The following PPP2R2B variants were observed in gnomAD, a reference collection of about 807,000 sequenced individuals.
PPP2R2B encodes serine/threonine-protein phosphatase 2A 55 kDa regulatory subunit B beta isoform.
In PPP2R2B, 5 loss-of-function variants were observed where a neutral mutation model predicts 46.0. The ratio of observed to expected loss-of-function variants is 0.11; its 90% confidence interval spans 0.06 to 0.23. The LOEUF (loss-of-function observed/expected upper bound fraction) is 0.23. Among genes scored for constraint, PPP2R2B ranks in the 10% least tolerant of loss-of-function variants. PPP2R2B has a pLI of 1.00. For missense variants in PPP2R2B, 367 were observed against 575.0 expected, an observed-to-expected ratio of 0.64 and a Z score of 3.70; for synonymous variants, 215 against 206.7, an observed-to-expected ratio of 1.04 and a Z score of -0.34.
intron 7 of PPP2R2B, among the ~76,000 whole-genome samples, chr5:146,606,091 A>C (rs537358555): frequency 6.3e-4 from 96 of 152,352 alleles, no homozygotes; most frequent in African/African-American, 2.2e-3. Flanking sequence ...GAAGACTGCC[A>C]ACTTTAGAGA....
chr5:146,801,031 C>T (rs1165561379), intron 2 of PPP2R2B, among the ~76,000 whole-genome samples: 1 of 151,982 alleles, frequency 6.6e-6, no homozygotes, highest in Admixed American at 6.6e-5. Context: ...TTTACAACAA[C>T]ATGGATGAAC....
intron 1 of PPP2R2B, among the ~76,000 whole-genome samples, chr5:146,985,017 C>CTTTTTT (rs34277498): frequency 0.015 from 1,502 of 99,394 alleles, 1 homozygote; most frequent in African/African-American, 0.021. Flanking sequence ...TTTTCTTTTT[C>CTTTTTT]TTTTTTTTTT....
intron 2 of PPP2R2B, among the ~76,000 whole-genome samples, chr5:146,876,979 A>G (rs1226607188): frequency 6.6e-6 from 1 of 152,226 alleles, no homozygotes; most frequent in African/African-American, 2.4e-5. Flanking sequence ...ATAATTTTAA[A>G]TTAATACACC....
intron 1 of PPP2R2B, among the ~76,000 whole-genome samples, chr5:146,958,234 T>A (rs1034148500): frequency 2.0e-5 from 3 of 152,172 alleles, no homozygotes; most frequent in Admixed American, 1.3e-4. Flanking sequence ...TTGAGGATGC[T>A]CAGCTGCCAC....
At chr5:146,867,959 C>G (rs541758350) in intron 2 of PPP2R2B, among the ~76,000 whole-genome samples, 1 of 152,162 alleles carries the variant, frequency 6.6e-6, no homozygotes, top group African/African-American at 2.4e-5. Flanking sequence ...GAGTTTATAA[C>G]CCCCACCATG....
chr5:146,859,697 C>T (rs972505212), intron 2 of PPP2R2B, among the ~76,000 whole-genome samples: 1 of 152,110 alleles, frequency 6.6e-6, no homozygotes, highest in South Asian at 2.1e-4. Flanking sequence ...GCCTGAGAAA[C>T]CTTTCTGTGA....
At chr5:146,859,433 T>G (rs1171031120) in intron 2 of PPP2R2B, among the ~76,000 whole-genome samples, 1 of 152,188 alleles carries the variant, frequency 6.6e-6, no homozygotes, top group African/African-American at 2.4e-5. Flanking sequence ...TCTTAAGAGT[T>G]GAAAACTATC....
At chr5:146,757,088 T>C (rs1042641423) in intron 2 of PPP2R2B, among the ~76,000 whole-genome samples, 2 of 151,752 alleles carry the variant, frequency 1.3e-5, no homozygotes, top group African/African-American at 4.8e-5. Flanking sequence ...ACAGTCCTGG[T>C]GGAGGGAAGA....
At chr5:147,010,840 T>G (rs1754692395) in intron 1 of PPP2R2B, among the ~76,000 whole-genome samples, 1 of 152,042 alleles carries the variant, frequency 6.6e-6, no homozygotes, top group African/African-American at 2.4e-5. Flanking sequence ...ATCTGGCCAC[T>G]CCCAACCTAC....
intron 2 of PPP2R2B, among the ~76,000 whole-genome samples, chr5:146,766,304 G>T (rs1219455889): frequency 6.6e-6 from 1 of 151,770 alleles, no homozygotes; most frequent in Non-Finnish European, 1.5e-5. Context: ...AAGATGTCTG[G>T]GAAAAAAAAG....
rs1179312860 is a variant in PPP2R2B at position 146,589,896 on chromosome 5, T to C, written c.*51A>G. 1.9e-6 allele frequency: 3 copies of C among 1,541,036 alleles called. No individual in the cohort carries two copies. The highest frequency in any genetic ancestry group is 2.3e-5 in the East Asian group (1 of 44,178). On this transcript the variant is annotated 3_prime_UTR_variant, in exon 10 of 10. Transcript: ENST00000394411. ...AAGACCCAAAGAAACATTTAAAAACTTGTTTGACTAGTATTCAGTATGTGA... is the reference window on the plus strand; with the variant it reads ...AAGACCCAAAGAAACATTTAAAAACCTGTTTGACTAGTATTCAGTATGTGA...
chr5:146,797,118 G>C (rs1277538372), intron 2 of PPP2R2B, among the ~76,000 whole-genome samples: 1 of 152,154 alleles, frequency 6.6e-6, no homozygotes, highest in Non-Finnish European at 1.5e-5. Context: ...AACAGGCACT[G>C]TTCCACTGAA....
In PPP2R2B at chr5:146,958,595, T is replaced by C. The variant is rs76641934; in HGVS notation, c.79+97070A>G. ...TCATCCTCACAAAATTTCCATAATG[T>C]AGCCATTATTAAACCTCATTTAGAG... On this transcript the variant is annotated intron_variant, in intron 1 of 8. Transcript: ENST00000336640. Among the ~76,000 whole-genome samples, 34 of 152,322 alleles carry C rather than the reference T, an allele frequency of 2.2e-4. No individual in the cohort carries two copies. The East Asian group carries it at 6.2e-3, about 28-fold the overall frequency.
intron 2 of PPP2R2B, among the ~76,000 whole-genome samples, chr5:146,749,601 CTTTT>C (rs1180534329): frequency 3.2e-5 from 4 of 124,106 alleles, no homozygotes; most frequent in African/African-American, 9.1e-5. Flanking sequence ...TTTTTCTTTT[CTTTT>C]CTTTTTTTTT....
chr5:146,737,279 T>C (rs142724393), intron 2 of PPP2R2B, among the ~76,000 whole-genome samples: 162 of 152,272 alleles, frequency 1.1e-3, no homozygotes, highest in African/African-American at 3.7e-3. Context: ...GTAGTATTTT[T>C]TGGGTGTCTA....
intron 7 of PPP2R2B, among the ~76,000 whole-genome samples, chr5:146,601,665 A>C (rs955117287): frequency 6.6e-6 from 1 of 152,234 alleles, no homozygotes; most frequent in Non-Finnish European, 1.5e-5. Flanking sequence ...AGGTTTCCTT[A>C]TATGTAAACT....
upstream of PPP2R2B, among the ~76,000 whole-genome samples, chr5:146,879,361 C>A (rs890335950): frequency 6.6e-5 from 10 of 152,132 alleles, no homozygotes; most frequent in African/African-American, 2.4e-4. Flanking sequence ...GCATCTGTGT[C>A]TACACAGGTG....
intron 5 of PPP2R2B, among the ~76,000 whole-genome samples, chr5:146,659,567 A>G (rs1776555533): frequency 6.6e-6 from 1 of 152,212 alleles, no homozygotes; most frequent in Non-Finnish European, 1.5e-5. Flanking sequence ...ATGACGATTG[A>G]CACATACCAT....
intron 1 of PPP2R2B, among the ~76,000 whole-genome samples, chr5:146,918,592 C>T (rs886089168): frequency 6.6e-5 from 10 of 152,220 alleles, no homozygotes; most frequent in African/African-American, 2.4e-4. Context: ...ATGAGACTCT[C>T]TGAGATTCCA....
Sources: allele counts gnomAD v4.1 joint callset (sites outside exome capture counted in the v4.1 genomes callset), GRCh38; gene constraint gnomAD v4.1.1; transcripts MANE v1.5; gene names NCBI Gene and HGNC (gene_info 2026-07-23, HGNC 2026-07-21).